The following NBEA variants were observed in gnomAD, a reference collection of about 807,000 sequenced individuals.
The protein encoded by NBEA is lysosomal-trafficking regulator 2.
In NBEA, 44 loss-of-function variants were observed where a neutral mutation model predicts 343.4. That is an observed-to-expected ratio of 0.13 (90% CI 0.10 to 0.16). The LOEUF (loss-of-function observed/expected upper bound fraction) is 0.16, where lower values mean the gene tolerates loss of function less well. Ranked by LOEUF, NBEA falls within the 10% of genes least tolerant of loss-of-function variation. NBEA has a pLI of 1.00. For synonymous variants in NBEA, 1,175 were observed against 1,238.7 expected (o/e 0.95, Z 1.08); for missense variants, 2,555 against 3,631.3 (o/e 0.70, Z 7.62).
chr13:35,460,158 C>G (rs545335320), intron 40 of NBEA, among the ~76,000 whole-genome samples: 5 of 152,236 alleles, frequency 3.3e-5, no homozygotes, highest in Non-Finnish European at 5.9e-5. Flanking sequence ...CTCTAAAATG[C>G]GTTTTGCTCA....
chr13:35,304,103 G>C (rs2036727446), intron 35 of NBEA, among the ~76,000 whole-genome samples: 1 of 152,152 alleles, frequency 6.6e-6, no homozygotes, highest in South Asian at 2.1e-4. Context: ...CCATCAAAAT[G>C]AGAAAGTGAC....
At chr13:35,468,171 A>G (rs1361873007) in intron 40 of NBEA, among the ~76,000 whole-genome samples, 5 of 146,748 alleles carry the variant, frequency 3.4e-5, no homozygotes, top group Non-Finnish European at 6.0e-5. Context: ...AAGAAAAAGC[A>G]GCCTCTGACC....
intron 38 of NBEA, among the ~76,000 whole-genome samples, chr13:35,426,536 C>T (rs1204662803): frequency 6.6e-6 from 1 of 152,168 alleles, no homozygotes; most frequent in Non-Finnish European, 1.5e-5. Context: ...GATGGGCTTC[C>T]CTTTGTGGGT....
At chr13:35,113,121 G>A (rs2066300509) in intron 13 of NBEA, among the ~76,000 whole-genome samples, 1 of 151,992 alleles carries the variant, frequency 6.6e-6, no homozygotes. Context: ...TGTCTTTCAG[G>A]ACCTTGACAT....
intron 18 of NBEA, among the ~76,000 whole-genome samples, chr13:35,142,739 T>G (rs2068164191): frequency 1.3e-5 from 2 of 152,112 alleles, no homozygotes; most frequent in South Asian, 4.1e-4. Context: ...CTCTTTCTGC[T>G]TCTATTAGCT....
chr13:35,050,502 A>C, intron 6 of NBEA, 107 bp downstream of exon 6: 1 of 1,180,208 alleles, frequency 8.5e-7, no homozygotes, highest in Non-Finnish European at 1.2e-6. Context: ...CTATGCTTTT[A>C]ATTGTTTTCT....
At chr13:35,573,138 C>T (rs1449115238) in intron 45 of NBEA, among the ~76,000 whole-genome samples, 1 of 152,160 alleles carries the variant, frequency 6.6e-6, no homozygotes, top group Non-Finnish European at 1.5e-5. Context: ...AAATTGTTTT[C>T]ATTAGACTTG....
At chr13:35,295,433 A>C (rs1203273495) in intron 35 of NBEA, among the ~76,000 whole-genome samples, 1 of 152,006 alleles carries the variant, frequency 6.6e-6, no homozygotes, top group Non-Finnish European at 1.5e-5. Flanking sequence ...TCTGTGATAT[A>C]ATGTCATTTC....
chr13:35,586,752 G>T (rs970304491), intron 46 of NBEA, among the ~76,000 whole-genome samples: 3 of 152,118 alleles, frequency 2.0e-5, no homozygotes, highest in Admixed American at 6.6e-5. Context: ...AATCAGAACA[G>T]AGCATCTTTA....
At chr13:35,022,943 A>C (rs775998873) in intron 1 of NBEA, among the ~76,000 whole-genome samples, 2 of 151,980 alleles carry the variant, frequency 1.3e-5, no homozygotes, top group Non-Finnish European at 2.9e-5. Flanking sequence ...TTTATCTAGA[A>C]GAAGATTTAT....
At chr13:35,212,024 C>T (rs1194731691) in intron 33 of NBEA, among the ~76,000 whole-genome samples, 1 of 151,862 alleles carries the variant, frequency 6.6e-6, no homozygotes, top group African/African-American at 2.4e-5. Context: ...CACACACACA[C>T]ACGTATGTAT....
At chr13:35,578,982 C>G (rs1247937989) in intron 45 of NBEA, among the ~76,000 whole-genome samples, 1 of 150,754 alleles carries the variant, frequency 6.6e-6, no homozygotes, top group Non-Finnish European at 1.5e-5. Flanking sequence ...GTGTTAAGTA[C>G]GTATGTGTGG....
chr13:35,316,102 T>A (rs934684999), intron 36 of NBEA, among the ~76,000 whole-genome samples: 2 of 151,768 alleles, frequency 1.3e-5, no homozygotes, highest in Admixed American at 6.6e-5. Context: ...CATTCTTTTT[T>A]AATTATTATT....
intron 35 of NBEA, among the ~76,000 whole-genome samples, chr13:35,296,288 G>A (rs1488496578): frequency 6.6e-6 from 1 of 151,728 alleles, no homozygotes; most frequent in Non-Finnish European, 1.5e-5. Context: ...GACTGAGGCA[G>A]GAGAATCTCT....
At chr13:35,241,292 T>C (rs2030228011) in intron 34 of NBEA, among the ~76,000 whole-genome samples, 1 of 151,730 alleles carries the variant, frequency 6.6e-6, no homozygotes, top group Non-Finnish European at 1.5e-5. Flanking sequence ...TATGGTAACA[T>C]TATGAGACAG....
intron 17 of NBEA, among the ~76,000 whole-genome samples, chr13:35,137,254 T>C (rs2067789291): frequency 6.6e-6 from 1 of 152,102 alleles, no homozygotes; most frequent in African/African-American, 2.4e-5. Context: ...ATCGAGACCA[T>C]CCTGGCTAAC....
At chr13:35,123,701 G>C (rs2066920316) in intron 17 of NBEA, 127 bp downstream of exon 17, 3 of 437,544 alleles carry the variant, frequency 6.9e-6, no homozygotes, top group African/African-American at 6.2e-5. Flanking sequence ...ATAGCTTTCT[G>C]TGGTAGAAAT....
rs74875550 is a variant in NBEA, at chr13:35,152,823, A to G, written c.2446-2951A>G. On this transcript the variant is annotated intron_variant, in intron 18 of 58. Coordinates refer to ENST00000379939, the MANE Select transcript of NBEA (RefSeq NM_001385012.1). ...GATGTGCTCTAAGTGTTAAATACACATTGGTTTTCATGTCCATATCCAGCT... is the reference window on the plus strand; with the variant it reads ...GATGTGCTCTAAGTGTTAAATACACGTTGGTTTTCATGTCCATATCCAGCT... Among the ~76,000 whole-genome samples, 963 of 152,096 alleles carry G rather than the reference A, an allele frequency of 6.3e-3. 24 individuals carry two copies. In the East Asian group the frequency reaches 0.069, roughly 11 times the overall value.
intron 36 of NBEA, among the ~76,000 whole-genome samples, chr13:35,341,000 G>A (rs2039554455): frequency 6.6e-6 from 1 of 151,992 alleles, no homozygotes; most frequent in African/African-American, 2.4e-5. Context: ...TTAATACAAA[G>A]CTACAGTGAT....
Sources: allele counts gnomAD v4.1 joint callset (sites outside exome capture counted in the v4.1 genomes callset), GRCh38; gene constraint gnomAD v4.1.1; transcripts MANE v1.5; gene names NCBI Gene and HGNC (gene_info 2026-07-23, HGNC 2026-07-21).